The following CRAMP1 variants were observed in gnomAD, a reference collection of about 807,000 sequenced individuals.
CRAMP1 encodes protein cramped-like.
Under a neutral mutation model 115.4 loss-of-function variants are expected in CRAMP1, and 50 were observed. That is an observed-to-expected ratio of 0.43 (90% confidence interval 0.35 to 0.55). CRAMP1 has a LOEUF of 0.55. CRAMP1 is among the 20% of genes least tolerant of loss of function. CRAMP1 has a pLI of 0.01. For synonymous variants in CRAMP1, 866 were observed against 745.4 expected, an observed-to-expected ratio of 1.16 and a Z score of -2.64; for missense variants, 1,679 against 1,721.7, an observed-to-expected ratio of 0.98 and a Z score of 0.44.
intron 1 of CRAMP1, among the ~76,000 whole-genome samples, chr16:1,613,620 C>G (rs1415765161): frequency 6.6e-6 from 1 of 152,152 alleles, no homozygotes; most frequent in Non-Finnish European, 1.5e-5. Context: ...AGTGGCTCTG[C>G]TTTCTGGGCT....
chr16:1,616,412 T>C (rs920174683), intron 2 of CRAMP1, among the ~76,000 whole-genome samples: 20 of 152,210 alleles, frequency 1.3e-4, no homozygotes, highest in African/African-American at 4.8e-4. Context: ...TGTCCTCACC[T>C]GTGAGGCAAG....
chr16:1,652,615 G>T, intron 7 of CRAMP1, 34 bp downstream of exon 7: 1 of 1,520,094 alleles, frequency 6.6e-7, no homozygotes, highest in Non-Finnish European at 8.9e-7. Context: ...GACCAGAGGC[G>T]GTGCCCATGG....
In CRAMP1 at chr16:1,641,182, G is replaced by C. The variant is rs759782717; in HGVS notation, c.822G>C (p.Gln274His). ...CAACAAAGCTGAATGAACTCATTCA[G>C]GTTGGGTAAGTCCCAGTTTCCATGT... ...KNATKLNELI[Q>H]VGATTVRYKG... The change falls in exon 6 of 21, where the codon CAG becomes CAC. Residue 274 changes from glutamine to histidine, a missense_variant. Transcript: ENST00000397412. 6.2e-7 allele frequency: 1 copy of C among 1,609,684 alleles called. No homozygotes were observed. Among genetic ancestry groups the C allele is most frequent in the Non-Finnish European group, 8.5e-7 (1 of 1,176,220 alleles).
At position 1,672,111 on chromosome 16, in the gene CRAMP1, C is replaced by T. The variant is rs906102459; in HGVS notation, c.3645+1302C>T. On this transcript the variant is annotated intron_variant, in intron 20 of 20. Coordinates refer to ENST00000397412, the MANE Select transcript of CRAMP1 (RefSeq NM_020825.4). This position sits in a 1 kb window ranked among gnomAD's most constrained non-coding sequence, Gnocchi z 4.9. ...CCTGAGGCAGCATGCTCACGCCATG[C>T]TGTTGAAAGGACGGGCCACAGCCCA... Among the ~76,000 whole-genome samples, 1 of 152,162 alleles carries T rather than the reference C, an allele frequency of 6.6e-6. No individual in the cohort carries two copies. The highest frequency in any genetic ancestry group is 1.9e-4 in the East Asian group (1 of 5,186).
At chr16:1,612,740 G>T (rs546768309) in intron 1 of CRAMP1, among the ~76,000 whole-genome samples, 83 bp downstream of exon 1, 1 of 152,126 alleles carries the variant, frequency 6.6e-6, no homozygotes, top group Non-Finnish European at 1.5e-5. Context: ...GCGCGGGGGG[G>T]GCGTCGCTTC....
Position 1,656,643 on chromosome 16 carries a change from C to G in CRAMP1, c.1886C>G (p.Thr629Ser), listed in dbSNP as rs747147815. ...PGPGLLLDVC[T>S]KDLADAPAEE... ...CCCGGGCTCCTGCTGGATGTTTGCA[C>G]TAAAGACTTGGCAGATGCACCTGCG... The change falls in exon 10 of 21, where the codon ACT (threonine) becomes AGT (serine). Residue 629 changes from threonine (T) to serine (S), a missense_variant. Thr to Ser is a moderately conservative substitution (Grantham distance 58). Around this residue, in one of 8 missense-constraint regions of CRAMP1, gnomAD observed 405 missense variants for 302.6 expected, o/e 1.34. Coordinates refer to ENST00000397412, the MANE Select transcript of CRAMP1 (RefSeq NM_020825.4). This position sits in a 1 kb window ranked among gnomAD's most constrained non-coding sequence, Gnocchi z 5.6. 2.2e-5 allele frequency: 35 copies of G among 1,579,024 alleles called. No homozygotes were observed. The highest frequency in any genetic ancestry group is 2.5e-5 in the Non-Finnish European group (29 of 1,163,702).
Position 1,614,677 on chromosome 16 carries a change from A to G in CRAMP1, c.38A>G (p.Asp13Gly). The G allele has an allele frequency of 7.6e-7, 1 of 1,307,516 alleles. No individual in the cohort carries two copies. Among genetic ancestry groups the G allele is most frequent in the Non-Finnish European group, 9.8e-7 (1 of 1,020,708 alleles). 81.0% of individuals were successfully genotyped at this position (1,307,516 alleles called of 1,614,324 possible). A position where few individuals can be genotyped will look rare whatever the true frequency, so the allele number is the denominator to read the frequency against. Reference sequence around the variant, plus strand: ...TTGGGCGACGGCGGCAGCGGGGAGGACGGGCTCAAGAAGCTGGGCAAGCGG... The same window carrying G: ...TTGGGCGACGGCGGCAGCGGGGAGGGCGGGCTCAAGAAGCTGGGCAAGCGG... ...VKLGDGGSGEDGLKKLGKRAA... is the reference protein window; with the variant it reads ...VKLGDGGSGEGGLKKLGKRAA... The change falls in exon 2 of 21, where the codon GAC becomes GGC. Residue 13 changes from aspartate to glycine, a missense_variant. By Grantham distance (94) the Asp-to-Gly change is moderately conservative. This residue lies in a region of CRAMP1 where 264 missense variants were observed against 229.7 expected (regional missense o/e 1.15). Coordinates refer to ENST00000397412, the MANE Select transcript of CRAMP1 (RefSeq NM_020825.4). This position sits in a 1 kb window ranked among gnomAD's most constrained non-coding sequence, Gnocchi z 4.4.
At position 1,662,807 on chromosome 16, in the gene CRAMP1, G is replaced by A. The variant is rs749674521; in HGVS notation, c.2642G>A (p.Arg881Gln). Residue 881 changes from arginine (R) to glutamine (Q), a missense_variant, in exon 13 of 21, where the codon CGG (arginine) becomes CAG (glutamine). Transcript: ENST00000397412. ...CCAAAGCCCCGGAAGCTGCGGAACC[G>A]GCACCTGCGGAAGCCACTGGTGGTC... ...FLPKPRKLRN[R>Q]HLRKPLVVQR... is the part of the protein sequence containing the mutation. 1.9e-6 allele frequency: 3 copies of A among 1,613,732 alleles called. No homozygotes were observed. The highest frequency in any genetic ancestry group is 2.2e-5 in the East Asian group (1 of 44,878).
intron 10 of CRAMP1, among the ~76,000 whole-genome samples, chr16:1,657,678 G>T (rs575045412): frequency 2.6e-5 from 4 of 152,266 alleles, no homozygotes; most frequent in African/African-American, 4.8e-5. Flanking sequence ...CCTAGGGAAG[G>T]GTCCCTTACC....
intron 5 of CRAMP1, among the ~76,000 whole-genome samples, chr16:1,638,702 C>T (rs1334180768): frequency 2.0e-5 from 3 of 152,232 alleles, no homozygotes; most frequent in South Asian, 4.1e-4. Flanking sequence ...GGATACTGCA[C>T]GACCACGCCA....
chr16:1,647,938 C>G (rs1000457864), intron 6 of CRAMP1, among the ~76,000 whole-genome samples: 1 of 151,914 alleles, frequency 6.6e-6, no homozygotes, highest in East Asian at 1.9e-4. Flanking sequence ...ACCCACGTCC[C>G]GGAACTGTGA....
chr16:1,642,767 C>A (rs186022791), intron 6 of CRAMP1, among the ~76,000 whole-genome samples: 15 of 152,354 alleles, frequency 9.8e-5, no homozygotes, highest in Admixed American at 9.1e-4. Context: ...TGGGGCAAAT[C>A]TTACTTCACC....
rs1596494196 is a variant in CRAMP1, at chr16:1,656,387, G to T, written c.1630G>T (p.Ala544Ser). 6.3e-7 allele frequency: 1 copy of T among 1,595,776 alleles called. No homozygotes were observed. The highest frequency in any genetic ancestry group is 8.5e-7 in the Non-Finnish European group (1 of 1,171,268). Residue 544 changes from alanine to serine, a missense_variant, in exon 10 of 21, where the codon GCC becomes TCC. By Grantham distance (99) the Ala-to-Ser change is moderately conservative (BLOSUM62 1). Coordinates refer to ENST00000397412, the MANE Select transcript of CRAMP1 (RefSeq NM_020825.4). The surrounding 1 kb of genome is among the most constrained non-coding windows in gnomAD (Gnocchi z 5.6). ...CCGGGAGCCAGGGGCCTTGCCGTGT[G>T]CCTGTGGCCAGCTCCCAGACCTGGA... ...PTREPGALPC[A>S]CGQLPDLEDE... is the part of the protein sequence containing the mutation.
rs546741758 is a variant in CRAMP1, at chr16:1,635,631, G to C, written c.695-2193G>C. On this transcript the variant is annotated intron_variant, in intron 4 of 20. Transcript: ENST00000397412. ...GCTACTTTCTTGTTTCTGGGTTGTG[G>C]GTTTTTTTCTTTTTGCCATTTCAAA... Among the ~76,000 whole-genome samples the C allele has an allele frequency of 7.2e-5, 11 of 152,130 alleles. No individual in the cohort carries two copies. The East Asian group carries it at 1.7e-3, about 24-fold the overall frequency.
chr16:1,662,906 C>T lies in CRAMP1; in HGVS notation c.2670+71C>T, dbSNP rs371190418. 53 of 1,212,986 alleles carry T rather than the reference C, an allele frequency of 4.4e-5. No individual in the cohort carries two copies. The African/African-American group carries it at 6.5e-4, about 15-fold the overall frequency. 75.1% of individuals were successfully genotyped at this position (1,212,986 alleles called of 1,614,324 possible). A position where few individuals can be genotyped will look rare whatever the true frequency, so the allele number is the denominator to read the frequency against. On this transcript the variant is annotated intron_variant, in intron 13 of 20. Coordinates refer to ENST00000397412, the MANE Select transcript of CRAMP1 (RefSeq NM_020825.4). Reference sequence around the variant, plus strand: ...AACCAGGACACAGGGCTTCTTCCCTCTCTCACATTTTCATGGTGTAAAATG... The same window carrying T: ...AACCAGGACACAGGGCTTCTTCCCTTTCTCACATTTTCATGGTGTAAAATG...
At chr16:1,658,098 C>T (rs2036791726) in intron 10 of CRAMP1, among the ~76,000 whole-genome samples, 1 of 152,214 alleles carries the variant, frequency 6.6e-6, no homozygotes, top group South Asian at 2.1e-4. Flanking sequence ...TTTCCGCTCC[C>T]ACCCCCAGCC....
intron 13 of CRAMP1, among the ~76,000 whole-genome samples, chr16:1,664,803 ACT>A (rs919660311): frequency 1.3e-5 from 2 of 149,416 alleles, no homozygotes; most frequent in African/African-American, 4.9e-5. Flanking sequence ...AAAGTGGATG[ACT>A]CTGACATTCC....
chr16:1,644,570 C>A (rs2036658091), intron 6 of CRAMP1, among the ~76,000 whole-genome samples: 3 of 152,122 alleles, frequency 2.0e-5, no homozygotes, highest in Non-Finnish European at 4.4e-5. Flanking sequence ...AGGAAGGGAA[C>A]CTGCCTGGGG....
chr16:1,662,683 G>T lies in CRAMP1; in HGVS notation c.2595+12G>T. On this transcript the variant is annotated intron_variant, in intron 12 of 20. Transcript: ENST00000397412. Reference sequence around the variant, plus strand: ...TGAACTCCATCAGTGTGAGTGTGTGGGGCCGGGCCGCCCGCGTGCGAGCGT... The same window carrying T: ...TGAACTCCATCAGTGTGAGTGTGTGTGGCCGGGCCGCCCGCGTGCGAGCGT... The T allele has an allele frequency of 6.2e-7, 1 of 1,613,922 alleles. No individual in the cohort carries two copies. The highest frequency in any genetic ancestry group is 8.5e-7 in the Non-Finnish European group (1 of 1,179,842).
Sources: allele counts gnomAD v4.1 joint callset (sites outside exome capture counted in the v4.1 genomes callset), GRCh38; gene constraint gnomAD v4.1.1; regional missense constraint gnomAD v4.1.1; non-coding constraint Gnocchi (gnomAD v3.1); transcripts MANE v1.5; gene names NCBI Gene and HGNC (gene_info 2026-07-23, HGNC 2026-07-21).